GPI: variants seen among roughly 807,000 people sequenced by gnomAD.
The protein encoded by GPI is D-hexose-6-phosphate anomerase.
In GPI, 56 loss-of-function variants were observed where a neutral mutation model predicts 75.8. The observed-to-expected ratio is 0.74, with a 90% CI of 0.60 to 0.92. The LOEUF is 0.92. GPI is among the 40% of genes least tolerant of loss of function. The pLI, the probability that GPI is intolerant of heterozygous loss-of-function variation, is 0.00. For synonymous variants in GPI, 288 were observed against 285.4 expected (o/e 1.01, Z -0.09); for missense variants, 638 against 741.0 (o/e 0.86, Z 1.61).
At chr19:34,363,186 G>C (rs952668931), upstream of GPI, 2 of 152,252 alleles carry the variant, frequency 1.3e-5, no homozygotes, top group African/African-American at 4.8e-5. Context: ...CACACCTGTA[G>C]TCCTGGCTAC....
Position 34,366,659 on chromosome 19 carries a change from G to A in GPI, c.214-124G>A, listed in dbSNP as rs537510015. On this transcript the variant is annotated intron_variant, in intron 2 of 17. Transcript: ENST00000356487. ...AGTAGACCCTTCCCAGACAGCAGGGGAGGGAACCAGACAGCAGCCGTCTGT... is the reference window on the plus strand; with the variant it reads ...AGTAGACCCTTCCCAGACAGCAGGGAAGGGAACCAGACAGCAGCCGTCTGT... The A allele has an allele frequency of 3.8e-5, 30 of 790,338 alleles. No homozygotes were observed. The East Asian group carries it at 6.8e-4, about 18-fold the overall frequency. The allele number at this position is 790,338 out of a possible 1,614,324, so 49.0% of individuals were successfully genotyped here. A position where few individuals can be genotyped will look rare whatever the true frequency, so the allele number is the denominator to read the frequency against.
At chr19:34,397,280 G>A (rs2074959895) in intron 14 of GPI, 1 of 155,112 alleles carries the variant, frequency 6.4e-6, no homozygotes, top group Non-Finnish European at 1.4e-5. Context: ...ATTTCTCTAT[G>A]GTTGTGGAAC....
At chr19:34,364,988 G>A (rs1415115709), upstream of GPI, 21 of 1,532,596 alleles carry the variant, frequency 1.4e-5, no homozygotes, top group Non-Finnish European at 1.8e-5. Flanking sequence ...TGCCACTTCC[G>A]GGCAGAGGCC....
In GPI at chr19:34,397,457, T is replaced by G. The variant is rs147179529; in HGVS notation, c.1269+800T>G. On this transcript the variant is annotated intron_variant, in intron 14 of 17. Coordinates refer to ENST00000356487, the MANE Select transcript of GPI (RefSeq NM_000175.5). ...GCCACTTCTGTTGCATCTCTCTGACTTGTTTACCTTCCTCTTCTACATTTT... is the reference window on the plus strand; with the variant it reads ...GCCACTTCTGTTGCATCTCTCTGACGTGTTTACCTTCCTCTTCTACATTTT... 52 of 152,514 alleles carry G rather than the reference T, an allele frequency of 3.4e-4. 1 individual carries two copies. The highest frequency in any genetic ancestry group is 6.6e-4 in the Non-Finnish European group (45 of 68,184). 9.4% of individuals were successfully genotyped at this position (152,514 alleles called of 1,614,324 possible). A position where few individuals can be genotyped will look rare whatever the true frequency, so the allele number is the denominator to read the frequency against.
intron 9 of GPI, among the ~76,000 whole-genome samples, chr19:34,389,871 C>T (rs1051683494): frequency 7.2e-5 from 11 of 152,172 alleles, no homozygotes; most frequent in African/African-American, 2.4e-4. Flanking sequence ...ACTCTGTGTC[C>T]GTTGCCTGTG....
chr19:34,386,695 C>T (rs2074739931), intron 9 of GPI, among the ~76,000 whole-genome samples: 1 of 152,148 alleles, frequency 6.6e-6, no homozygotes, highest in South Asian at 2.1e-4. Flanking sequence ...AGGTCTGTGG[C>T]CCCTAAGTTA....
rs1272281846 is a variant in GPI at position 34,401,191 on chromosome 19, C to T, written c.*1155C>T. 6.6e-6 allele frequency: 1 copy of T among 151,482 alleles called. No individual in the cohort carries two copies. The highest frequency in any genetic ancestry group is 6.6e-5 in the Admixed American group (1 of 15,202). The allele number at this position is 151,482 out of a possible 1,614,324, so 9.4% of individuals were successfully genotyped here. On this transcript the variant is annotated 3_prime_UTR_variant, in exon 18 of 18. Transcript: ENST00000356487. ...CTACAGGTTGTACCACTATGCCCTG[C>T]TAGTTTTTTCATTTTTTGTAGAGAG...
chr19:34,391,802 C>A (rs1568344784), intron 9 of GPI, among the ~76,000 whole-genome samples: 1 of 1,152 alleles, frequency 8.7e-4, no homozygotes, highest in Non-Finnish European at 1.3e-3. Context: ...GAGGTGGGAT[C>A]TGGTATTAAT....
upstream of GPI, among the ~76,000 whole-genome samples, chr19:34,363,712 C>A (rs936434016): frequency 6.6e-6 from 1 of 152,090 alleles, no homozygotes; most frequent in Admixed American, 6.6e-5. Context: ...CCCAGCTACT[C>A]AGGAGGCTGA....
chr19:34,371,722 G>T (rs1012045800), intron 4 of GPI, among the ~76,000 whole-genome samples: 6 of 151,628 alleles, frequency 4.0e-5, no homozygotes, highest in South Asian at 4.2e-4. Context: ...TGGCATGGTG[G>T]TGCATGCCTG....
At chr19:34,383,608 T>C (rs2074688391) in intron 9 of GPI, among the ~76,000 whole-genome samples, 1 of 152,142 alleles carries the variant, frequency 6.6e-6, no homozygotes, top group South Asian at 2.1e-4. Context: ...TCTGAGAATT[T>C]GTGACTGAAG....
chr19:34,379,042 C>T, intron 7 of GPI, 37 bp downstream of exon 7: 1 of 1,572,014 alleles, frequency 6.4e-7, no homozygotes, highest in Non-Finnish European at 8.8e-7. Flanking sequence ...TGGTTAGCCT[C>T]TGGGCTGGGA....
chr19:34,375,339 G>A (rs374125687), intron 4 of GPI, among the ~76,000 whole-genome samples: 2 of 151,746 alleles, frequency 1.3e-5, no homozygotes, highest in South Asian at 2.1e-4. Flanking sequence ...TAGCAGAGAC[G>A]GGGTTTCACC....
intron 9 of GPI, among the ~76,000 whole-genome samples, chr19:34,388,883 A>G (rs1289482012): frequency 6.6e-6 from 1 of 152,152 alleles, no homozygotes; most frequent in Non-Finnish European, 1.5e-5. Context: ...GGCTGAGGCC[A>G]GGTGTTCAAA....
chr19:34,388,859 A>G (rs565403530), intron 9 of GPI, among the ~76,000 whole-genome samples: 3 of 152,150 alleles, frequency 2.0e-5, no homozygotes, highest in East Asian at 3.9e-4. Context: ...GAGCTTCGGG[A>G]GGCTGAGATG....
chr19:34,374,465 C>T (rs534056451), intron 4 of GPI, among the ~76,000 whole-genome samples: 2 of 152,284 alleles, frequency 1.3e-5, no homozygotes, highest in East Asian at 3.9e-4. Flanking sequence ...CTTCCACACA[C>T]AGATACCCCA....
At chr19:34,385,999 G>C (rs2074729073) in intron 9 of GPI, among the ~76,000 whole-genome samples, 2 of 151,758 alleles carry the variant, frequency 1.3e-5, no homozygotes, top group South Asian at 4.2e-4. Context: ...ACTGGGTGTG[G>C]TTTGAGGAGC....
At chr19:34,383,293 G>A (rs1365426680) in intron 9 of GPI, among the ~76,000 whole-genome samples, 1 of 152,216 alleles carries the variant, frequency 6.6e-6, no homozygotes, top group Non-Finnish European at 1.5e-5. Flanking sequence ...ACAGGAGAGG[G>A]ACCCATAGGT....
rs2074398150 is a variant in GPI at position 34,368,392 on chromosome 19, T to G, written c.283-191T>G. On this transcript the variant is annotated intron_variant, in intron 3 of 17. Coordinates refer to ENST00000356487, the MANE Select transcript of GPI (RefSeq NM_000175.5). Reference sequence around the variant, plus strand: ...TCTCCTCCTGACTGTCTGCAGCACATAAGTCCTTGGGGAGCTCCTACTCCT... The same window carrying G: ...TCTCCTCCTGACTGTCTGCAGCACAGAAGTCCTTGGGGAGCTCCTACTCCT... Among the ~76,000 whole-genome samples the G allele has an allele frequency of 1.3e-5, 2 of 152,216 alleles. No homozygotes were observed. Among genetic ancestry groups the G allele is most frequent in the East Asian group, 1.9e-4 (1 of 5,198 alleles).
Sources: gnomAD v4.1 joint callset for allele counts (sites outside exome capture counted in the v4.1 genomes callset) on GRCh38, gnomAD v4.1.1 for gene constraint, MANE v1.5 for transcripts, NCBI Gene and HGNC (gene_info 2026-07-23, HGNC 2026-07-21) for gene names.